TUG1: variants seen among roughly 807,000 people sequenced by gnomAD.
TUG1 encodes taurine up-regulated 1.
intron 1 of TUG1, chr22:30,972,038 G>C (rs2041236978): frequency 6.6e-6 from 1 of 152,278 alleles, no homozygotes; most frequent in African/African-American, 2.4e-5. Flanking sequence ...TGCATTTACT[G>C]TCTTTGCAGA....
At chr22:30,975,981 ACT>A (rs1368985745) in exon 3 of TUG1, 1 of 151,668 alleles carries the variant, frequency 6.6e-6, no homozygotes, top group Non-Finnish European at 1.5e-5. Context: ...TCACTGTATG[ACT>A]CAACCAGTAG....
exon 3 of TUG1, chr22:30,978,867 G>A (rs2041317876): frequency 6.6e-6 from 1 of 152,126 alleles, no homozygotes; most frequent in African/African-American, 2.4e-5. Context: ...TTGGGTTTCT[G>A]TTACTTGAAA....
chr22:30,974,242 A>G (rs1267422701), intron 2 of TUG1: 1 of 152,000 alleles, frequency 6.6e-6, no homozygotes, highest in Non-Finnish European at 1.5e-5. Flanking sequence ...TAAAGTATGT[A>G]AGACATGGCC....
At chr22:30,969,560 T>C (rs1358688447) in exon 1 of TUG1, 1 of 151,912 alleles carries the variant, frequency 6.6e-6, no homozygotes, top group Non-Finnish European at 1.5e-5. Context: ...CGGCGGCCTA[T>C]GCGTTTGCGA....
At chr22:30,977,213 CTGTCTCCA>C (rs1224571001) in exon 3 of TUG1, 3 of 152,172 alleles carry the variant, frequency 2.0e-5, no homozygotes, top group African/African-American at 4.8e-5. Flanking sequence ...AGTCTGTATA[CTGTCTCCA>C]TGTCTCCATG....
At chr22:30,977,756 G>A (rs2041305746) in exon 3 of TUG1, 1 of 152,072 alleles carries the variant, frequency 6.6e-6, no homozygotes. Context: ...GAGGACTACA[G>A]TCAATTTCAG....
At chr22:30,976,499 G>A (rs1429460564) in exon 3 of TUG1, 1 of 152,206 alleles carries the variant, frequency 6.6e-6, no homozygotes, top group African/African-American at 2.4e-5. Context: ...AAGAGCTTTT[G>A]TCCTTGTGGA....
chr22:30,971,696 C>T (rs2041232125), exon 1 of TUG1: 1 of 153,162 alleles, frequency 6.5e-6, no homozygotes, highest in Admixed American at 6.5e-5. Context: ...CTACCACCAG[C>T]ACTGTTACTG....
At chr22:30,971,989 T>G (rs1378973545) in intron 1 of TUG1, 1 of 152,250 alleles carries the variant, frequency 6.6e-6, no homozygotes, top group Non-Finnish European at 1.5e-5. Flanking sequence ...TTATGTATCC[T>G]CTATCTGTAT....
At chr22:30,972,234 C>T (rs2041238985) in intron 1 of TUG1, 1 of 152,170 alleles carries the variant, frequency 6.6e-6, no homozygotes, top group African/African-American at 2.4e-5. Context: ...AGAAAAGTCG[C>T]TAGATATGGA....
chr22:30,971,020 C>T (rs563030458), exon 1 of TUG1: 1 of 152,148 alleles, frequency 6.6e-6, no homozygotes, highest in Non-Finnish European at 1.5e-5. Context: ...TGTTAGTTGT[C>T]AGCTGCTTTT....
chr22:30,974,011 G>A (rs771643908), intron 2 of TUG1: 14 of 152,198 alleles, frequency 9.2e-5, no homozygotes, highest in Non-Finnish European at 1.6e-4. Context: ...AGTCAAAAAC[G>A]GGACATGTTC....
At chr22:30,977,394 G>T (rs1224511778) in exon 3 of TUG1, 1 of 152,108 alleles carries the variant, frequency 6.6e-6, no homozygotes, top group Non-Finnish European at 1.5e-5. Flanking sequence ...TGCTGACCCT[G>T]TCACTCCCAG....
intron 2 of TUG1, chr22:30,974,677 CAT>C (rs1417904325): frequency 6.6e-6 from 1 of 152,032 alleles, no homozygotes; most frequent in Non-Finnish European, 1.5e-5. Context: ...TATGGGGAGA[CAT>C]AGGAAAGGAA....
chr22:30,978,327 T>C (rs2041313079), exon 3 of TUG1: 4 of 152,200 alleles, frequency 2.6e-5, no homozygotes, highest in Admixed American at 2.6e-4. Context: ...TTATCTCTCA[T>C]GGTGTTTTTT....
At chr22:30,972,810 TC>T (rs1665517579) in intron 1 of TUG1, 44 bp from the exon 2 acceptor site, 1 of 153,392 alleles carries the variant, frequency 6.5e-6, no homozygotes, top group South Asian at 2.1e-4. Context: ...TGTTTGTAAT[TC>T]CATGCATTTG....
At chr22:30,975,916 A>G (rs2041282866) in exon 3 of TUG1, 2 of 149,300 alleles carry the variant, frequency 1.3e-5, no homozygotes, top group South Asian at 4.2e-4. Flanking sequence ...AATACTGGCA[A>G]CATTTCCTAA....
chr22:30,978,807 T>C (rs1254158510), exon 3 of TUG1: 1 of 152,226 alleles, frequency 6.6e-6, no homozygotes, highest in Admixed American at 6.5e-5. Flanking sequence ...CCCTGGACTT[T>C]TCAGTTATGT....
intron 2 of TUG1, 159 bp from the exon 3 acceptor site, chr22:30,975,011 C>G (rs903605276): frequency 2.6e-5 from 4 of 152,210 alleles, no homozygotes; most frequent in Non-Finnish European, 5.9e-5. Flanking sequence ...TAGATACTTA[C>G]AAGCCCAACT....
Sources: gnomAD v4.1 joint callset for allele counts on GRCh38, gnomAD v4.1.1 for gene constraint, MANE v1.5 for transcripts, NCBI Gene and HGNC (gene_info 2026-07-23, HGNC 2026-07-21) for gene names.